The following PCDH15 variants were observed in gnomAD, a reference collection of about 807,000 sequenced individuals.
PCDH15 encodes protocadherin related 15, also known as protocadherin-15.
A neutral mutation model predicts 178.5 loss-of-function variants in PCDH15; 129 were observed. That is an observed-to-expected ratio of 0.72 (90% confidence interval 0.63 to 0.84). The LOEUF (loss-of-function observed/expected upper bound fraction) is 0.84, where lower values mean the gene tolerates loss of function less well. Among genes scored for constraint, PCDH15 ranks in the 40% least tolerant of loss-of-function variants. PCDH15 has a pLI of 0.00. For missense variants in PCDH15, 2,230 were observed against 2,099.9 expected (o/e 1.06, Z -1.21); for synonymous variants, 800 against 732.0 (o/e 1.09, Z -1.50).
chr10:54,210,198 A>T (rs1259140002), intron 10 of PCDH15, among the ~76,000 whole-genome samples: 1 of 151,944 alleles, frequency 6.6e-6, no homozygotes, highest in Admixed American at 6.6e-5. Context: ...TCTATTTGCT[A>T]CATTTGCATC....
chr10:54,167,021 C>T lies in PCDH15; in HGVS notation c.1591-13728G>A, dbSNP rs372865453. On this transcript the variant is annotated intron_variant, in intron 13 of 37. Coordinates refer to ENST00000644397, the MANE Select transcript of PCDH15 (RefSeq NM_001384140.1). ...AAACGGCCTCACCCTTATCTCCCTT[C>T]GCTGACTCTCTTTTCGGACTCAGCC... is the stretch of plus-strand genomic sequence containing the variant. Among the ~76,000 whole-genome samples, 121 of 152,310 alleles carry T rather than the reference C, an allele frequency of 7.9e-4. No homozygotes were observed. In the East Asian group the frequency reaches 0.017, roughly 21 times the overall value.
intron 28 of PCDH15, among the ~76,000 whole-genome samples, chr10:53,850,733 G>A (rs2078301788): frequency 6.6e-6 from 1 of 152,080 alleles, no homozygotes; most frequent in Non-Finnish European, 1.5e-5. Context: ...AAATGGGTGT[G>A]CTGCATTATC....
intron 2 of PCDH15, among the ~76,000 whole-genome samples, chr10:55,431,944 G>A (rs191775055): frequency 9.2e-5 from 14 of 152,072 alleles, no homozygotes; most frequent in African/African-American, 2.2e-4. Flanking sequence ...CCCAACAAAC[G>A]CTTATCTAAG....
At chr10:54,623,641 A>C (rs887122885) in intron 2 of PCDH15, among the ~76,000 whole-genome samples, 6 of 152,126 alleles carry the variant, frequency 3.9e-5, no homozygotes, top group Non-Finnish European at 7.4e-5. Flanking sequence ...CTTCAAGCCG[A>C]GTCTCTTCTG....
At chr10:54,373,225 G>T (rs1440118461) in intron 4 of PCDH15, among the ~76,000 whole-genome samples, 2 of 151,708 alleles carry the variant, frequency 1.3e-5, no homozygotes, top group African/African-American at 4.8e-5. Context: ...TGGCAAATCT[G>T]TAGGAATTTA....
intron 1 of PCDH15, among the ~76,000 whole-genome samples, chr10:55,302,116 G>T (rs1212994893): frequency 6.6e-6 from 1 of 151,870 alleles, no homozygotes; most frequent in Non-Finnish European, 1.5e-5. Flanking sequence ...AATTTGATAG[G>T]AATTTTATCA....
intron 2 of PCDH15, among the ~76,000 whole-genome samples, chr10:55,456,004 A>G (rs1839543022): frequency 1.3e-5 from 2 of 152,228 alleles, no homozygotes; most frequent in South Asian, 4.1e-4. Context: ...GTATTATAAC[A>G]GTTTCAACCA....
At chr10:55,348,708 C>T (rs941778223) in intron 2 of PCDH15, among the ~76,000 whole-genome samples, 1 of 151,804 alleles carries the variant, frequency 6.6e-6, no homozygotes, top group Non-Finnish European at 1.5e-5. Flanking sequence ...TGAAACATTC[C>T]CTGTGGAGGG....
intron 2 of PCDH15, among the ~76,000 whole-genome samples, chr10:54,630,740 A>G (rs2093679692): frequency 6.6e-6 from 1 of 152,196 alleles, no homozygotes; most frequent in African/African-American, 2.4e-5. Context: ...GGAAGGAAAT[A>G]TTCATAAATT....
chr10:54,509,277 T>C (rs1417485622), intron 3 of PCDH15, among the ~76,000 whole-genome samples: 5 of 152,014 alleles, frequency 3.3e-5, no homozygotes, highest in Non-Finnish European at 7.4e-5. Context: ...ATGGGGGTGG[T>C]TTCCCCCATA....
At chr10:55,241,714 C>T (rs541793385) in intron 1 of PCDH15, among the ~76,000 whole-genome samples, 1 of 152,270 alleles carries the variant, frequency 6.6e-6, no homozygotes, top group East Asian at 1.9e-4. Context: ...TGAGCCACCA[C>T]GCCCAGCCAC....
In PCDH15 at chr10:55,140,817, G is replaced by A. The variant is rs541843050; in HGVS notation, c.-80+25759C>T. Among the ~76,000 whole-genome samples the A allele has an allele frequency of 1.3e-3, 205 of 151,978 alleles. 1 individual carries two copies. The highest frequency in any genetic ancestry group is 4.8e-3 in the African/African-American group (200 of 41,512). The stretch of plus-strand genomic sequence containing the variant: ...AAAATATTGCTTTTATGTAAGTTGT[G>A]GTGGTTTGTTTCTTGAGCAATGGGT... On this transcript the variant is annotated intron_variant, in intron 2 of 5. Transcript: ENST00000458638.
intron 2 of PCDH15, among the ~76,000 whole-genome samples, chr10:54,655,248 A>AG (rs2094354385): frequency 1.5e-5 from 1 of 65,666 alleles, no homozygotes; most frequent in African/African-American, 6.0e-5. Context: ...GAAAGAAAGA[A>AG]AGAAAGAAAG....
At chr10:54,513,237 T>A (rs1405679142) in intron 3 of PCDH15, among the ~76,000 whole-genome samples, 2 of 141,260 alleles carry the variant, frequency 1.4e-5, no homozygotes, top group Non-Finnish European at 3.1e-5. Context: ...TTTCATTTAT[T>A]TTTGTTTATT....
intron 1 of PCDH15, among the ~76,000 whole-genome samples, chr10:55,182,702 G>A (rs562142791): frequency 2.0e-4 from 31 of 152,076 alleles, no homozygotes; most frequent in Admixed American, 5.3e-4. Context: ...CATGATTACC[G>A]TTTTAATGCA....
intron 2 of PCDH15, among the ~76,000 whole-genome samples, chr10:55,603,123 GA>G (rs1393648573): frequency 1.3e-5 from 2 of 152,084 alleles, no homozygotes; most frequent in Non-Finnish European, 2.9e-5. Flanking sequence ...CAATCAACTG[GA>G]AGAAAGGGTA....
At chr10:54,757,957 AC>A (rs1361529586) in intron 1 of PCDH15, among the ~76,000 whole-genome samples, 2 of 152,058 alleles carry the variant, frequency 1.3e-5, no homozygotes, top group African/African-American at 4.8e-5. Flanking sequence ...TCACTGTAAG[AC>A]CCTTCATTGC....
intron 2 of PCDH15, among the ~76,000 whole-genome samples, chr10:55,148,769 C>A (rs974677591): frequency 2.0e-5 from 3 of 150,738 alleles, no homozygotes; most frequent in African/African-American, 4.9e-5. Context: ...CTTAAGCAAA[C>A]CTTCAAAAGT....
intron 18 of PCDH15, among the ~76,000 whole-genome samples, chr10:54,039,742 A>T (rs2093498580): frequency 6.6e-6 from 1 of 151,990 alleles, no homozygotes; most frequent in South Asian, 2.1e-4. Flanking sequence ...GGAAAACTCC[A>T]CTTCCTCCTA....
Sources: allele counts gnomAD v4.1 joint callset (sites outside exome capture counted in the v4.1 genomes callset), GRCh38; gene constraint gnomAD v4.1.1; transcripts MANE v1.5; gene names NCBI Gene and HGNC (gene_info 2026-07-23, HGNC 2026-07-21).